TBL1Y: variants seen among roughly 807,000 people sequenced by gnomAD.
TBL1Y encodes the protein transducin beta like 1 Y-linked, also known as F-box-like/WD repeat-containing protein TBL1Y.
A neutral mutation model predicts 12.0 loss-of-function variants in TBL1Y; 15 were observed. That is an observed-to-expected ratio of 1.25 (90% CI 0.83 to 1.92). TBL1Y has a LOEUF of 1.92. Among genes scored for constraint, TBL1Y ranks in the 40% most tolerant of loss-of-function variants. The pLI is 0.00. For synonymous variants in TBL1Y, 53 were observed against 42.6 expected (o/e 1.24, Z -0.95); for missense variants, 148 against 116.7 (o/e 1.27, Z -1.24).
chrY:7,001,614 G>A (rs2012452503), intron 4 of TBL1Y, among the ~76,000 whole-genome samples: 1 of 31,122 alleles, frequency 3.2e-5, no homozygotes, highest in Non-Finnish European at 7.8e-5. Flanking sequence ...GCGAGACTCC[G>A]TCTCAAAAAA....
At chrY:7,041,553 A>G (rs958222326) in intron 6 of TBL1Y, among the ~76,000 whole-genome samples, 4 of 33,343 alleles carry the variant, frequency 1.2e-4, no homozygotes, top group Non-Finnish European at 3.0e-4. Flanking sequence ...GAATGGGTAG[A>G]TGAAAAGGAA....
chrY:7,021,976 C>T (rs1002160306), intron 5 of TBL1Y, among the ~76,000 whole-genome samples: 13 of 33,255 alleles, frequency 3.9e-4, no homozygotes, highest in Non-Finnish European at 7.4e-4. Context: ...TGTCTGTCTG[C>T]GTTGATTTGC....
intron 2 of TBL1Y, among the ~76,000 whole-genome samples, chrY:6,923,707 C>T (rs2011800515): frequency 3.1e-5 from 1 of 32,270 alleles, no homozygotes; most frequent in South Asian, 7.2e-4. Flanking sequence ...TTAGTGGAGA[C>T]GGGGTTTCAC....
At chrY:6,949,556 T>C in intron 2 of TBL1Y, among the ~76,000 whole-genome samples, 1 of 33,317 alleles carries the variant, frequency 3.0e-5, no homozygotes, top group Admixed American at 2.8e-4. Flanking sequence ...TTCTCCTCCA[T>C]CCCTCACCAC....
intron 7 of TBL1Y, among the ~76,000 whole-genome samples, chrY:7,050,828 TAC>T (rs1404234228): frequency 5.5e-3 from 99 of 17,950 alleles, no homozygotes; most frequent in East Asian, 0.024. Context: ...ACATCATGGA[TAC>T]ACACACACAC....
chrY:6,924,457 G>A (rs2011810917), intron 2 of TBL1Y, among the ~76,000 whole-genome samples: 2 of 31,260 alleles, frequency 6.4e-5, no homozygotes, highest in African/African-American at 1.3e-4. Context: ...GCGTGATGGC[G>A]GACGCCTGTA....
chrY:6,917,871 A>T (rs1001697129), intron 2 of TBL1Y, among the ~76,000 whole-genome samples: 1 of 33,104 alleles, frequency 3.0e-5, no homozygotes, highest in Non-Finnish European at 7.4e-5. Flanking sequence ...CTTATGAACA[A>T]GTTGCACAAG....
Position 7,087,369 on chromosome Y carries a change from C to T in TBL1Y, c.1383C>T (p.Ser461=), listed in dbSNP as rs1157399944. Residue 461 remains serine, a synonymous_variant, in exon 17 of 19, where the codon AGC becomes AGT. Coordinates refer to ENST00000383032, the MANE Select transcript of TBL1Y (RefSeq NM_033284.2). The stretch of plus-strand genomic sequence containing the variant: ...AGCCTGTCTACAGTGTAGCTTTCAG[C>T]CCCGATGGAAAGTACTTGGCTAGTG... ...HQEPVYSVAF[S]PDGKYLASGS... 2 of 395,502 alleles carry T rather than the reference C, an allele frequency of 5.1e-6. No individual in the cohort carries two copies. The highest frequency in any genetic ancestry group is 6.0e-5 in the South Asian group (2 of 33,373).
At chrY:7,080,319 A>T (rs369871539) in intron 13 of TBL1Y, among the ~76,000 whole-genome samples, 5 of 32,557 alleles carry the variant, frequency 1.5e-4, no homozygotes, top group South Asian at 7.1e-4. Context: ...TGAACCTCCC[A>T]CTTCGGCCTT....
intron 6 of TBL1Y, among the ~76,000 whole-genome samples, chrY:7,035,516 G>A (rs2012686990): frequency 5.9e-5 from 2 of 33,935 alleles, no homozygotes; most frequent in African/African-American, 1.2e-4. Flanking sequence ...TGTTTATTGC[G>A]GCACTGTTTA....
At chrY:7,006,784 C>T (rs537329673) in intron 4 of TBL1Y, among the ~76,000 whole-genome samples, 1 of 33,023 alleles carries the variant, frequency 3.0e-5, no homozygotes, top group African/African-American at 1.2e-4. Context: ...ACAACCCCAT[C>T]AAAAAGTGGG....
At chrY:7,089,950 T>C (rs2013164439) in intron 17 of TBL1Y, 139 bp from the exon 18 acceptor site, 2 of 163,210 alleles carry the variant, frequency 1.2e-5, no homozygotes, top group Admixed American at 2.1e-4. Flanking sequence ...AGAGCACTTA[T>C]TAAAAACCCT....
chrY:7,023,343 T>G (rs760508031), intron 5 of TBL1Y, among the ~76,000 whole-genome samples: 2 of 33,357 alleles, frequency 6.0e-5, no homozygotes, highest in Non-Finnish European at 1.5e-4. Context: ...TGGGTAATTG[T>G]GTTTTATTGA....
At chrY:7,077,376 A>G (rs780640922) in intron 13 of TBL1Y, among the ~76,000 whole-genome samples, 1 of 33,178 alleles carries the variant, frequency 3.0e-5, no homozygotes, top group South Asian at 7.0e-4. Flanking sequence ...ATTCACCCAT[A>G]TGGTTCCAAG....
At chrY:7,038,299 T>C (rs2012705254) in intron 6 of TBL1Y, among the ~76,000 whole-genome samples, 1 of 32,843 alleles carries the variant, frequency 3.0e-5, no homozygotes, top group African/African-American at 1.2e-4. Context: ...TTGATTATAC[T>C]CTTCTTTTCT....
In TBL1Y at chrY:6,990,660, A is replaced by G. The variant is rs2012356839; in HGVS notation, c.-234-5144A>G. On this transcript the variant is annotated intron_variant, in intron 3 of 18. Coordinates refer to ENST00000383032, the MANE Select transcript of TBL1Y (RefSeq NM_033284.2). ...TGCAAGCTCCGCCTCCCGGGCTCAC[A>G]CCATTCTCCTGCCTCAGCCTCCCGA... Among the ~76,000 whole-genome samples the G allele has an allele frequency of 1.5e-3, 38 of 25,109 alleles. No individual in the cohort carries two copies. The Admixed American group carries it at 0.016, about 11-fold the overall frequency. 67.4% of individuals were successfully genotyped at this position (25,109 alleles called of 37,273 possible).
chrY:7,062,523 G>T (rs992179519), intron 7 of TBL1Y, among the ~76,000 whole-genome samples: 1 of 33,272 alleles, frequency 3.0e-5, no homozygotes, highest in Non-Finnish European at 7.4e-5. Context: ...TGAAGGTATT[G>T]GGGGGATATC....
intron 3 of TBL1Y, among the ~76,000 whole-genome samples, chrY:6,993,425 G>A: frequency 6.6e-5 from 2 of 30,401 alleles, no homozygotes; most frequent in Admixed American, 6.3e-4. Context: ...AGATGTGCAG[G>A]ACATTCAGGC....
At chrY:7,040,265 A>G in intron 6 of TBL1Y, among the ~76,000 whole-genome samples, 1 of 34,469 alleles carries the variant, frequency 2.9e-5, no homozygotes, top group African/African-American at 1.1e-4. Context: ...TCCAGCAGAC[A>G]ACTTTCAGCT....
Sources: gnomAD v4.1 joint callset for allele counts (sites outside exome capture counted in the v4.1 genomes callset) on GRCh38, gnomAD v4.1.1 for gene constraint, MANE v1.5 for transcripts, NCBI Gene and HGNC (gene_info 2026-07-23, HGNC 2026-07-21) for gene names.